Variants in CIC observed in about 807,000 individuals in gnomAD.
CIC encodes capicua transcriptional repressor, also known as protein capicua homolog.
In CIC, 18 loss-of-function variants were observed where a neutral mutation model predicts 115.7. That is an observed-to-expected ratio of 0.16 (90% CI 0.11 to 0.23). CIC has a LOEUF of 0.23. Among genes scored for constraint, CIC ranks in the 10% least tolerant of loss-of-function variants. CIC has a pLI of 1.00. For missense variants in CIC, 2,000 were observed against 2,159.3 expected, an observed-to-expected ratio of 0.93 and a Z score of 1.46; for synonymous variants, 1,076 against 923.0, an observed-to-expected ratio of 1.17 and a Z score of -3.01.
chr19:42,268,751 C>A (rs1025878810), upstream of CIC, among the ~76,000 whole-genome samples: 1 of 152,212 alleles, frequency 6.6e-6, no homozygotes, highest in Non-Finnish European at 1.5e-5. Context: ...GGCTATGGGC[C>A]GAAGACGTGA....
At chr19:42,284,793 G>A (rs1383144241) in intron 2 of CIC, 1 of 1,541,806 alleles carries the variant, frequency 6.5e-7, no homozygotes, top group South Asian at 1.2e-5. Context: ...CTGGGCCCTG[G>A]GACTGCAGGG....
At chr19:42,290,068 G>C in intron 10 of CIC, 117 bp downstream of exon 10, 1 of 1,377,800 alleles carries the variant, frequency 7.3e-7, no homozygotes, top group South Asian at 1.2e-5. Context: ...CAAGCTGCTT[G>C]CCCCGTGGGG....
At chr19:42,284,868 T>A in intron 2 of CIC, 1 of 1,094,320 alleles carries the variant, frequency 9.1e-7, no homozygotes, top group Non-Finnish European at 1.3e-6. Flanking sequence ...GAGAGAACAG[T>A]AGAGGCAGAG....
At chr19:42,292,497 G>T in intron 14 of CIC, 31 bp downstream of exon 14, 1 of 1,611,352 alleles carries the variant, frequency 6.2e-7, no homozygotes. Context: ...CAGTGCTGGG[G>T]ACCCAGGGTG....
chr19:42,278,820 C>A (rs1348034280), intron 2 of CIC, among the ~76,000 whole-genome samples: 1 of 152,226 alleles, frequency 6.6e-6, no homozygotes, highest in African/African-American at 2.4e-5. Context: ...AAATTAACTG[C>A]CTACTACTGT....
intron 10 of CIC, 80 bp from the exon 11 acceptor site, chr19:42,290,153 G>C: frequency 6.3e-7 from 1 of 1,597,060 alleles, no homozygotes; most frequent in Non-Finnish European, 8.6e-7. Flanking sequence ...TGGCTGACAG[G>C]CTGGATGGGC....
At chr19:42,275,085 G>A (rs756808534) in intron 2 of CIC, among the ~76,000 whole-genome samples, 2 of 152,180 alleles carry the variant, frequency 1.3e-5, no homozygotes, top group Non-Finnish European at 2.9e-5. Flanking sequence ...TGCTTCTTTA[G>A]AGGAAACTAA....
At position 42,293,092 on chromosome 19, in the gene CIC, T is replaced by C; in HGVS notation, c.6333T>C (p.Pro2111=). 4.3e-6 allele frequency: 7 copies of C among 1,610,280 alleles called. No individual in the cohort carries two copies. Among genetic ancestry groups the C allele is most frequent in the Non-Finnish European group, 5.9e-6 (7 of 1,178,982 alleles). Residue 2111 remains proline (P), a synonymous_variant, in exon 16 of 21, where the codon CCT becomes CCC. Transcript: ENST00000681038. ...CAGGTGCCTCTGGGCGGCCTGGCCC[T>C]GCACCCCGGCAGCCTCTGGAGCCTG... ...FEAGASGRPG[P]APRQPLEPGP...
intron 1 of CIC, among the ~76,000 whole-genome samples, chr19:42,271,006 C>T (rs970118308): frequency 6.7e-6 from 1 of 149,494 alleles, no homozygotes; most frequent in African/African-American, 2.5e-5. Flanking sequence ...GCAGCCGTCC[C>T]TCGGGACTCT....
In CIC at chr19:42,293,288, G is replaced by A. The variant is rs1239384817; in HGVS notation, c.6522+7G>A. On this transcript the variant is annotated splice_region_variant and intron_variant, in intron 16 of 20. Transcript: ENST00000681038. ...CAAGGGCCCTGAGACCATGGTGAGC[G>A]CCTGCAGGCCGTGGGGCTCCCACTG... 5.8e-6 allele frequency: 9 copies of A among 1,561,456 alleles called. No individual in the cohort carries two copies. The highest frequency in any genetic ancestry group is 1.4e-5 in the African/African-American group (1 of 73,602).
In CIC at chr19:42,269,309, G is replaced by A. The variant is rs900084955; in HGVS notation, c.-83G>A. On this transcript the variant is annotated 5_prime_UTR_variant, in exon 1 of 21. Coordinates refer to ENST00000681038, the MANE Select transcript of CIC (RefSeq NM_001386298.1). ...GAGAATCGAGAGGGAGAGCCGGAGG[G>A]GGGGCGGGGAGGGACCGGACCGGAC... 1.3e-5 allele frequency: 2 copies of A among 150,624 alleles called. No homozygotes were observed. Among genetic ancestry groups the A allele is most frequent in the East Asian group, 2.0e-4 (1 of 5,128 alleles). The allele number at this position is 150,624 out of a possible 1,614,324, so 9.3% of individuals were successfully genotyped here. A position where few individuals can be genotyped will look rare whatever the true frequency, so the allele number is the denominator to read the frequency against.
At chr19:42,286,740 G>T in intron 2 of CIC, 31 bp from the exon 3 acceptor site, 1 of 1,613,608 alleles carries the variant, frequency 6.2e-7, no homozygotes. Context: ...AGGCTCTCCT[G>T]CTGCACAGCT....
chr19:42,291,114 C>A lies in CIC; in HGVS notation c.5073C>A (p.Ala1691=), dbSNP rs780116594. Residue 1691 remains alanine, a synonymous_variant, in exon 11 of 21, where the codon GCC becomes GCA. Transcript: ENST00000681038. The part of the protein sequence containing the change: ...APAPPAVQFI[A]QGAPGGGTTA... Reference sequence around the variant, plus strand: ...CGCCCCCTGCTGTCCAGTTCATTGCCCAGGGGGCCCCTGGTGGTGGGACCA... The same window carrying A: ...CGCCCCCTGCTGTCCAGTTCATTGCACAGGGGGCCCCTGGTGGTGGGACCA... 2 of 1,610,054 alleles carry A rather than the reference C, an allele frequency of 1.2e-6. No individual in the cohort carries two copies. The highest frequency in any genetic ancestry group is 2.7e-5 in the African/African-American group (2 of 74,816).
Position 42,272,681 on chromosome 19 carries a change from C to G in CIC, c.898C>G (p.Leu300Val), listed in dbSNP as rs1415191082. The change falls in exon 2 of 21, where the codon CTC becomes GTC. Residue 300 changes from leucine (L) to valine (V), a missense_variant. This residue lies in a region of CIC where 222 missense variants were observed against 247.7 expected (regional missense o/e 0.90). Transcript: ENST00000681038. Reference protein sequence around the residue: ...ATKPAAYKVRLSPGPSSQPGL... With the variant: ...ATKPAAYKVRVSPGPSSQPGL... ...CAAGCCAGCTGCCTACAAGGTCCGTCTCAGCCCTGGCCCCAGCTCCCAGCC... is the reference window on the plus strand; with the variant it reads ...CAAGCCAGCTGCCTACAAGGTCCGTGTCAGCCCTGGCCCCAGCTCCCAGCC... 1 of 399,050 alleles carries G rather than the reference C, an allele frequency of 2.5e-6. No individual in the cohort carries two copies. Among genetic ancestry groups the G allele is most frequent in the East Asian group, 3.6e-5 (1 of 28,096 alleles). 24.7% of individuals were successfully genotyped at this position (399,050 alleles called of 1,614,324 possible). A position where few individuals can be genotyped will look rare whatever the true frequency, so the allele number is the denominator to read the frequency against.
Position 42,295,079 on chromosome 19 carries a change from C to T in CIC, c.7442C>T (p.Ala2481Val), listed in dbSNP as rs1251828335. The T allele has an allele frequency of 2.6e-6, 4 of 1,527,190 alleles. No individual in the cohort carries two copies. Among genetic ancestry groups the T allele is most frequent in the Admixed American group, 2.0e-5 (1 of 50,274 alleles). The allele number at this position is 1,527,190 out of a possible 1,614,324, so 94.6% of individuals were successfully genotyped here. ...TCGGACTCTGGCACGGCCCAGGCTG[C>T]CCCGCCACTGCCTCCACCCCCAGAG... ...PSSDSGTAQAAPPLPPPPESG... is the reference protein window; with the variant it reads ...PSSDSGTAQAVPPLPPPPESG... Residue 2481 changes from alanine (A) to valine (V), a missense_variant, in exon 21 of 21, where the codon GCC (alanine) becomes GTC (valine). By Grantham distance (64) the Ala-to-Val change is moderately conservative. Around this residue, in one of 8 missense-constraint regions of CIC, gnomAD observed 133 missense variants for 116.0 expected, o/e 1.15. Coordinates refer to ENST00000681038, the MANE Select transcript of CIC (RefSeq NM_001386298.1).
chr19:42,291,940 C>T, intron 12 of CIC, 146 bp from the exon 13 acceptor site: 1 of 1,327,992 alleles, frequency 7.5e-7, no homozygotes, highest in Non-Finnish European at 1.1e-6. Flanking sequence ...GTGTCCCCAC[C>T]TCTCACTGTC....
Position 42,293,090 on chromosome 19 carries a change from C to T in CIC, c.6331C>T (p.Pro2111Ser). Residue 2111 changes from proline (P) to serine (S), a missense_variant, in exon 16 of 21, where the codon CCT becomes TCT. Physicochemically the swap from Pro to Ser is moderately conservative, Grantham distance 74 (BLOSUM62 -1). Around this residue, in one of 8 missense-constraint regions of CIC, gnomAD observed 1,466 missense variants for 1,390.4 expected, o/e 1.05. Transcript: ENST00000681038. ...FEAGASGRPG[P>S]APRQPLEPGP... ...GGCAGGTGCCTCTGGGCGGCCTGGC[C>T]CTGCACCCCGGCAGCCTCTGGAGCC... 6.2e-7 allele frequency: 1 copy of T among 1,610,510 alleles called. No individual in the cohort carries two copies. Among genetic ancestry groups the T allele is most frequent in the South Asian group, 1.1e-5 (1 of 90,876 alleles).
At position 42,273,306 on chromosome 19, in the gene CIC, G is replaced by A; in HGVS notation, c.1523G>A (p.Arg508Gln). The change falls in exon 2 of 21, where the codon CGA becomes CAA. Residue 508 changes from arginine (R) to glutamine (Q), a missense_variant. Arg to Gln is a conservative substitution (Grantham distance 43, BLOSUM62 1). Transcript: ENST00000681038. Reference protein sequence around the residue: ...NGKQWRRLCSRDGCMKESQRR... With the variant: ...NGKQWRRLCSQDGCMKESQRR... ...AAGCAGTGGCGCCGGCTGTGCTCAC[G>A]AGATGGCTGCATGAAGGAGTCACAG... 2.5e-6 allele frequency: 1 copy of A among 398,580 alleles called. No individual in the cohort carries two copies. The highest frequency in any genetic ancestry group is 2.1e-5 in the African/African-American group (1 of 48,742). The allele number at this position is 398,580 out of a possible 1,614,324, so 24.7% of individuals were successfully genotyped here.
At position 42,273,601 on chromosome 19, in the gene CIC, G is replaced by A. The variant is rs1599850531; in HGVS notation, c.1818G>A (p.Leu606=). The change falls in exon 2 of 21, where the codon CTG becomes CTA. Residue 606 remains leucine (L), a synonymous_variant. Coordinates refer to ENST00000681038, the MANE Select transcript of CIC (RefSeq NM_001386298.1). The part of the protein sequence containing the change: ...ECEAAVMLVS[L]GSSRSGTPSF... ...AGGCGGCCGTGATGCTGGTGTCGCTGGGCAGCTCGCGCTCAGGCACGCCCT... is the reference window on the plus strand; with the variant it reads ...AGGCGGCCGTGATGCTGGTGTCGCTAGGCAGCTCGCGCTCAGGCACGCCCT... 1 of 398,394 alleles carries A rather than the reference G, an allele frequency of 2.5e-6. No homozygotes were observed. Among genetic ancestry groups the A allele is most frequent in the Non-Finnish European group, 4.4e-6 (1 of 225,982 alleles). 24.7% of individuals were successfully genotyped at this position (398,394 alleles called of 1,614,324 possible).
Sources: gnomAD v4.1 joint callset for allele counts (sites outside exome capture counted in the v4.1 genomes callset) on GRCh38, gnomAD v4.1.1 for gene constraint, gnomAD v4.1.1 regional missense constraint, MANE v1.5 for transcripts, NCBI Gene and HGNC (gene_info 2026-07-23, HGNC 2026-07-21) for gene names.